The following PDE12 variants were observed in gnomAD, a reference collection of about 807,000 sequenced individuals.
PDE12 encodes phosphodiesterase 12, also known as 2',5'-phosphodiesterase 12.
A neutral mutation model predicts 45.4 loss-of-function variants in PDE12; 26 were observed. That is an observed-to-expected ratio of 0.57 (90% CI 0.42 to 0.79). The LOEUF is 0.79. Among genes scored for constraint, PDE12 ranks in the 30% least tolerant of loss-of-function variants. The pLI is 0.00. For missense variants in PDE12, 668 were observed against 790.0 expected, an observed-to-expected ratio of 0.85 and a Z score of 1.85; for synonymous variants, 283 against 323.9, an observed-to-expected ratio of 0.87 and a Z score of 1.36.
chr3:57,617,630 A>G, the PDE12 span, among the ~76,000 whole-genome samples: 1 of 152,010 alleles, frequency 6.6e-6, no homozygotes, highest in African/African-American at 2.4e-5. Flanking sequence ...TGGGAGGCCG[A>G]GGTGGGAGGA....
the PDE12 span, among the ~76,000 whole-genome samples, chr3:57,614,698 A>C: frequency 5.6e-4 from 85 of 150,898 alleles, no homozygotes; most frequent in Non-Finnish European, 1.0e-3. Context: ...GCGCCTGCCA[A>C]CACGCCCGGC....
At chr3:57,567,234 C>CCCA (rs568793093), downstream of PDE12, among the ~76,000 whole-genome samples, 200 of 152,124 alleles carry the variant, frequency 1.3e-3, no homozygotes, top group Non-Finnish European at 2.5e-3. Context: ...ATCGCTTGAA[C>CCCA]CCAGGAGGCA....
At chr3:57,608,933 A>G in the PDE12 span, among the ~76,000 whole-genome samples, 3 of 152,204 alleles carry the variant, frequency 2.0e-5, no homozygotes, top group Non-Finnish European at 4.4e-5. Flanking sequence ...AACAAAATAT[A>G]CATTCTTCTC....
the PDE12 span, chr3:57,625,646 A>C: frequency 6.6e-6 from 1 of 152,568 alleles, no homozygotes; most frequent in Non-Finnish European, 1.5e-5. Flanking sequence ...TTCTTAAAAA[A>C]AAAAAGACAA....
chr3:57,630,020 T>C, the PDE12 span, among the ~76,000 whole-genome samples: 1 of 152,136 alleles, frequency 6.6e-6, no homozygotes, highest in Admixed American at 6.6e-5. Context: ...ACTCCCACTG[T>C]AGGCTATTTC....
chr3:57,576,674 T>C, the PDE12 span, among the ~76,000 whole-genome samples: 1 of 152,134 alleles, frequency 6.6e-6, no homozygotes, highest in Non-Finnish European at 1.5e-5. Flanking sequence ...AAATATTTTA[T>C]GGCTACAAGT....
chr3:57,654,223 G>A, the PDE12 span, among the ~76,000 whole-genome samples: 13 of 151,924 alleles, frequency 8.6e-5, no homozygotes, highest in South Asian at 4.2e-4. Context: ...CCAAAGTGCC[G>A]GGATTACAGG....
chr3:57,607,122 A>G, the PDE12 span, among the ~76,000 whole-genome samples: 1 of 152,160 alleles, frequency 6.6e-6, no homozygotes, highest in Admixed American at 6.5e-5. Flanking sequence ...CGCTGCTGAT[A>G]CCTAGGCAAA....
the PDE12 span, chr3:57,598,052 G>A: frequency 1.3e-5 from 2 of 152,204 alleles, no homozygotes; most frequent in Non-Finnish European, 2.9e-5. Context: ...TAAAGAGAAG[G>A]CAAGGAGGAA....
At chr3:57,608,091 T>G in the PDE12 span, among the ~76,000 whole-genome samples, 1 of 152,070 alleles carries the variant, frequency 6.6e-6, no homozygotes, top group African/African-American at 2.4e-5. Flanking sequence ...TTCAACATTC[T>G]CAAAGAAAAG....
the PDE12 span, among the ~76,000 whole-genome samples, chr3:57,628,585 T>C: frequency 6.6e-6 from 1 of 152,256 alleles, no homozygotes; most frequent in South Asian, 2.1e-4. Context: ...AATGTTTTTA[T>C]AGAGCTTATT....
chr3:57,559,588 G>A lies in PDE12; in HGVS notation c.1414G>A (p.Ala472Thr). ...TGGGTATATTCGCCTCATTCAAATGGCAGTAGCCTTGGCTCACATAAGACA... is the reference window on the plus strand; with the variant it reads ...TGGGTATATTCGCCTCATTCAAATGACAGTAGCCTTGGCTCACATAAGACA... Reference protein sequence around the residue: ...KGGYIRLIQMAVALAHIRHVS... With the variant: ...KGGYIRLIQMTVALAHIRHVS... Residue 472 changes from alanine (A) to threonine (T), a missense_variant, in exon 3 of 3, where the codon GCA (alanine) becomes ACA (threonine). Ala to Thr is a moderately conservative substitution (Grantham distance 58). Around this residue, in one of 3 missense-constraint regions of PDE12, gnomAD observed 580 missense variants for 662.9 expected, o/e 0.87. Transcript: ENST00000311180. 1 of 1,609,226 alleles carries A rather than the reference G, an allele frequency of 6.2e-7. No individual in the cohort carries two copies. The highest frequency in any genetic ancestry group is 8.5e-7 in the Non-Finnish European group (1 of 1,175,940).
At chr3:57,610,656 T>C in the PDE12 span, among the ~76,000 whole-genome samples, 14 of 152,048 alleles carry the variant, frequency 9.2e-5, no homozygotes, top group South Asian at 2.9e-3. Context: ...GAGAATAAAA[T>C]ACCTAGGAAT....
the PDE12 span, among the ~76,000 whole-genome samples, chr3:57,617,022 T>TCAAAA: frequency 1.3e-5 from 2 of 151,458 alleles, no homozygotes; most frequent in Non-Finnish European, 2.9e-5. Context: ...AGACTCCATC[T>TCAAAA]CAAAACAAAA....
At chr3:57,608,193 A>AT in the PDE12 span, among the ~76,000 whole-genome samples, 1 of 152,114 alleles carries the variant, frequency 6.6e-6, no homozygotes, top group Non-Finnish European at 1.5e-5. Context: ...ATGCTGAGAG[A>AT]TTTTGTCACC....
chr3:57,588,649 T>C, the PDE12 span, among the ~76,000 whole-genome samples: 3 of 139,222 alleles, frequency 2.2e-5, no homozygotes, highest in East Asian at 6.2e-4. Flanking sequence ...AAGTCAGGAG[T>C]CAGAGACCAG....
the PDE12 span, among the ~76,000 whole-genome samples, chr3:57,655,869 G>A: frequency 1.3e-5 from 2 of 152,120 alleles, no homozygotes; most frequent in Admixed American, 6.5e-5. Context: ...CTCATACCCA[G>A]AAGTTCAAAA....
chr3:57,557,225 G>A lies in PDE12; in HGVS notation c.846G>A (p.Arg282=), dbSNP rs1249994111. The A allele has an allele frequency of 1.9e-6, 3 of 1,598,912 alleles. No individual in the cohort carries two copies. The highest frequency in any genetic ancestry group is 1.1e-5 in the South Asian group (1 of 89,794). ...AGPGTCTFDH[R]HLYTKKVTED... ...CTGGCACCTGCACTTTTGACCACCGGCATCTCTACACGAAGAAGGTGACTG... is the reference window on the plus strand; with the variant it reads ...CTGGCACCTGCACTTTTGACCACCGACATCTCTACACGAAGAAGGTGACTG... The change falls in exon 1 of 3, where the codon CGG becomes CGA. Residue 282 remains arginine, a synonymous_variant. Coordinates refer to ENST00000311180, the MANE Select transcript of PDE12 (RefSeq NM_177966.7).
chr3:57,580,539 C>T, the PDE12 span, among the ~76,000 whole-genome samples: 2 of 150,422 alleles, frequency 1.3e-5, no homozygotes, highest in Non-Finnish European at 3.0e-5. Context: ...GTAGCTGGGA[C>T]TACAGGAGTA....
Sources: gnomAD v4.1 joint callset for allele counts (sites outside exome capture counted in the v4.1 genomes callset) on GRCh38, gnomAD v4.1.1 for gene constraint, gnomAD v4.1.1 regional missense constraint, MANE v1.5 for transcripts, NCBI Gene and HGNC (gene_info 2026-07-23, HGNC 2026-07-21) for gene names.